Variants in LRMDA observed in about 807,000 individuals in gnomAD.
LRMDA encodes the protein leucine-rich melanocyte differentiation-associated protein.
A neutral mutation model predicts 29.8 loss-of-function variants in LRMDA; 18 were observed. The ratio of observed to expected loss-of-function variants is 0.60; its 90% CI spans 0.42 to 0.90. LRMDA has a LOEUF of 0.90. Among genes scored for constraint, LRMDA ranks in the 40% least tolerant of loss-of-function variants. The pLI, the probability that LRMDA is intolerant of heterozygous loss-of-function variation, is 0.00. For missense variants in LRMDA, 273 were observed against 273.9 expected (o/e 1.00, Z 0.02); for synonymous variants, 125 against 109.4 (o/e 1.14, Z -0.89).
At chr10:75,610,682 A>G (rs915297765) in intron 2 of LRMDA, among the ~76,000 whole-genome samples, 3 of 152,090 alleles carry the variant, frequency 2.0e-5, no homozygotes, top group African/African-American at 7.3e-5. Flanking sequence ...CAGGTTCCCC[A>G]GTCCTGACAC....
chr10:76,488,475 C>A (rs1467180739), intron 6 of LRMDA, among the ~76,000 whole-genome samples: 1 of 65,376 alleles, frequency 1.5e-5, no homozygotes, highest in Non-Finnish European at 4.5e-5. Context: ...TGAGATTCAA[C>A]CATGTGTGTA....
Position 75,476,283 on chromosome 10 carries a change from G to T in LRMDA, c.131+37789G>T, listed in dbSNP as rs897833412. On this transcript the variant is annotated intron_variant, in intron 2 of 6. Transcript: ENST00000611255. ...CCCTAAATAGAAATATTTTGCACAT[G>T]TGTGGCCCCAAGCTCTGTGAGGGAG... Among the ~76,000 whole-genome samples, 22 of 152,322 alleles carry T rather than the reference G, an allele frequency of 1.4e-4. 1 individual carries two copies. Among genetic ancestry groups the T allele is most frequent in the Middle Eastern group, 6.8e-3 (2 of 294 alleles).
At chr10:76,398,480 C>A (rs1280455542) in intron 6 of LRMDA, among the ~76,000 whole-genome samples, 2 of 152,274 alleles carry the variant, frequency 1.3e-5, no homozygotes, top group African/African-American at 2.4e-5. Flanking sequence ...AGTCAACGAC[C>A]CTCAAAGGGG....
intron 6 of LRMDA, among the ~76,000 whole-genome samples, chr10:76,377,263 G>T (rs917579638): frequency 6.6e-6 from 1 of 151,968 alleles, no homozygotes; most frequent in African/African-American, 2.4e-5. Flanking sequence ...TTTTCTTGTT[G>T]AGTTGTTTGA....
intron 6 of LRMDA, chr10:76,402,230 G>C (rs1471337625): frequency 6.6e-6 from 1 of 152,266 alleles, no homozygotes; most frequent in African/African-American, 2.4e-5. Flanking sequence ...CTTGGGGCTG[G>C]AACAAGCTTG....
chr10:75,784,199 C>T (rs760542033), intron 2 of LRMDA, among the ~76,000 whole-genome samples: 6 of 152,126 alleles, frequency 3.9e-5, no homozygotes, highest in South Asian at 2.1e-4. Flanking sequence ...CCAGATCTTC[C>T]GCTTAATGGC....
chr10:76,445,353 T>G (rs1842344335), intron 6 of LRMDA, among the ~76,000 whole-genome samples: 1 of 152,206 alleles, frequency 6.6e-6, no homozygotes, highest in Non-Finnish European at 1.5e-5. Flanking sequence ...AGTCCCTCTT[T>G]GCTTCAGGGT....
At chr10:76,471,236 A>G (rs897598338) in intron 6 of LRMDA, among the ~76,000 whole-genome samples, 1 of 151,760 alleles carries the variant, frequency 6.6e-6, no homozygotes, top group Admixed American at 6.6e-5. Flanking sequence ...AAAATTATAT[A>G]AATAATAAAA....
intron 2 of LRMDA, among the ~76,000 whole-genome samples, chr10:75,452,511 A>G (rs1054735855): frequency 2.1e-5 from 3 of 144,802 alleles, no homozygotes; most frequent in Admixed American, 1.4e-4. Context: ...CCTTTTTTGG[A>G]TCGGGTTTTA....
intron 2 of LRMDA, among the ~76,000 whole-genome samples, chr10:75,619,740 T>C (rs1237605300): frequency 1.3e-5 from 2 of 152,182 alleles, no homozygotes; most frequent in African/African-American, 4.8e-5. Context: ...GAGGCAGCGT[T>C]TACTTCAGGG....
Position 76,058,664 on chromosome 10 carries a change from AG to A in LRMDA, c.399-1del. The A allele has an allele frequency of 1.2e-6, 2 of 1,611,154 alleles. No homozygotes were observed. The highest frequency in any genetic ancestry group is 1.7e-6 in the Non-Finnish European group (2 of 1,177,268). On this transcript the variant is annotated splice_acceptor_variant, in intron 4 of 6. Transcript: ENST00000611255. LOFTEE classifies it high-confidence loss of function. ...GAGTTGTCTCTGACTCTTATCTTCC[AG>A]ATGCTTTGTTCTGTACAAGCTGCCC...
In LRMDA at chr10:76,200,128, A is replaced by AT. The variant is rs895797365; in HGVS notation, c.517-124264dup. Among the ~76,000 whole-genome samples, 8 of 151,200 alleles carry AT rather than the reference A, an allele frequency of 5.3e-5. No individual in the cohort carries two copies. In the South Asian group the frequency reaches 8.4e-4, roughly 16 times the overall value. ...AGGCGTGTGCCACCAAGCCTGGCTA[A>AT]TTTTTTTTTATTTTTAGTAGAGATG... On this transcript the variant is annotated intron_variant, in intron 5 of 6. Coordinates refer to ENST00000611255, the MANE Select transcript of LRMDA (RefSeq NM_001305581.2).
chr10:76,428,549 A>G (rs557676110), intron 6 of LRMDA, among the ~76,000 whole-genome samples: 3 of 152,302 alleles, frequency 2.0e-5, no homozygotes, highest in South Asian at 4.1e-4. Context: ...AAGACCAGAA[A>G]ACACAGAGAC....
At chr10:75,908,752 A>G (rs1243486940) in intron 2 of LRMDA, among the ~76,000 whole-genome samples, 1 of 151,992 alleles carries the variant, frequency 6.6e-6, no homozygotes, top group Non-Finnish European at 1.5e-5. Context: ...CGATTTTTGT[A>G]CCCACAGGCT....
intron 6 of LRMDA, among the ~76,000 whole-genome samples, chr10:76,534,338 A>C (rs1843269150): frequency 6.6e-6 from 1 of 152,148 alleles, no homozygotes; most frequent in Non-Finnish European, 1.5e-5. Flanking sequence ...ATATGGCCAC[A>C]TGTGTGTATT....
At chr10:75,971,618 T>A (rs1375772258) in intron 2 of LRMDA, among the ~76,000 whole-genome samples, 8 of 152,186 alleles carry the variant, frequency 5.3e-5, no homozygotes. Context: ...AGGATGGGGT[T>A]TCTTATTCTG....
In LRMDA at chr10:76,223,396, A is replaced by G. The variant is rs981910223; in HGVS notation, c.517-101005A>G. Among the ~76,000 whole-genome samples the G allele has an allele frequency of 2.0e-5, 3 of 152,132 alleles. No homozygotes were observed. In the East Asian group the frequency reaches 5.8e-4, roughly 29 times the overall value. On this transcript the variant is annotated intron_variant, in intron 5 of 6. Transcript: ENST00000611255. ...TAGAGATGAGGAATTTCTTTCTCTG[A>G]AGGTGCAAGTATCAAAGCAGACTCC...
chr10:76,413,154 A>T (rs1241880531), intron 6 of LRMDA, among the ~76,000 whole-genome samples: 1 of 151,864 alleles, frequency 6.6e-6, no homozygotes, highest in Non-Finnish European at 1.5e-5. Context: ...TTTTTTCAAG[A>T]TTCTGTCTTT....
At chr10:75,525,413 ATGAT>A (rs1340157268) in intron 2 of LRMDA, among the ~76,000 whole-genome samples, 1 of 152,128 alleles carries the variant, frequency 6.6e-6, no homozygotes, top group Non-Finnish European at 1.5e-5. Flanking sequence ...GTAGTTTATG[ATGAT>A]CTGGGCTATT....
Sources: gnomAD v4.1 joint callset for allele counts (sites outside exome capture counted in the v4.1 genomes callset) on GRCh38, gnomAD v4.1.1 for gene constraint, MANE v1.5 for transcripts, NCBI Gene and HGNC (gene_info 2026-07-23, HGNC 2026-07-21) for gene names.